FAM168A: variants seen among roughly 807,000 people sequenced by gnomAD.
FAM168A encodes family with sequence similarity 168 member A, also known as protein FAM168A.
In FAM168A, 3 loss-of-function variants were observed where a neutral mutation model predicts 28.5. That is an observed-to-expected ratio of 0.11 (90% CI 0.05 to 0.27). FAM168A has a LOEUF of 0.27. Among genes scored for constraint, FAM168A ranks in the 10% least tolerant of loss-of-function variants. The pLI is 1.00. For synonymous variants in FAM168A, 122 were observed against 124.2 expected (o/e 0.98, Z 0.12); for missense variants, 222 against 311.5 (o/e 0.71, Z 2.16).
intron 1 of FAM168A, among the ~76,000 whole-genome samples, chr11:73,503,242 T>C (rs540726853): frequency 3.9e-5 from 6 of 152,108 alleles, no homozygotes; most frequent in Non-Finnish European, 5.9e-5. Flanking sequence ...GATTTTATAT[T>C]TAGAAAACCC....
At chr11:73,580,610 T>C in intron 1 of FAM168A, 1 of 480,628 alleles carries the variant, frequency 2.1e-6, no homozygotes, top group Non-Finnish European at 3.9e-6. Flanking sequence ...AAATGCAGAA[T>C]TTTGTTTTAC....
chr11:73,535,722 CTTTT>C (rs59312114), intron 1 of FAM168A, among the ~76,000 whole-genome samples: 2 of 116,968 alleles, frequency 1.7e-5, no homozygotes, highest in Admixed American at 8.7e-5. Context: ...CCTCACCCTT[CTTTT>C]TTTTTTTTTT....
At chr11:73,581,868 G>A (rs1323539628) in intron 1 of FAM168A, among the ~76,000 whole-genome samples, 2 of 151,994 alleles carry the variant, frequency 1.3e-5, no homozygotes, top group Non-Finnish European at 1.5e-5. Flanking sequence ...ACAGGCATGC[G>A]CCACCATGCC....
At chr11:73,464,864 C>CT (rs111906921) in intron 2 of FAM168A, among the ~76,000 whole-genome samples, 27,152 of 148,426 alleles carry the variant, frequency 0.18, 3,657 homozygotes, top group African/African-American at 0.39. Context: ...CCTGTTTTAT[C>CT]ATTTTTTTTT....
At chr11:73,543,463 G>A (rs761019281) in intron 1 of FAM168A, among the ~76,000 whole-genome samples, 2 of 152,008 alleles carry the variant, frequency 1.3e-5, no homozygotes, top group Non-Finnish European at 2.9e-5. Flanking sequence ...GTTTCGCCAT[G>A]TTGGCCAGGC....
At chr11:73,597,026 G>A (rs1944446010) in intron 1 of FAM168A, among the ~76,000 whole-genome samples, 1 of 152,000 alleles carries the variant, frequency 6.6e-6, no homozygotes, top group African/African-American at 2.4e-5. Flanking sequence ...CCTTGACTCT[G>A]CAACCAAGGA....
intron 1 of FAM168A, among the ~76,000 whole-genome samples, chr11:73,538,351 AAAG>A (rs1943609086): frequency 6.6e-6 from 1 of 152,154 alleles, no homozygotes; most frequent in African/African-American, 2.4e-5. Flanking sequence ...CAAAAAAAAA[AAAG>A]AGAGAGAGAG....
At chr11:73,545,936 C>T (rs996702043) in intron 1 of FAM168A, among the ~76,000 whole-genome samples, 2 of 152,100 alleles carry the variant, frequency 1.3e-5, no homozygotes, top group African/African-American at 4.8e-5. Flanking sequence ...AGACAAAACA[C>T]CTACATCTCA....
chr11:73,456,912 T>C (rs1867543297), intron 2 of FAM168A, among the ~76,000 whole-genome samples: 1 of 152,140 alleles, frequency 6.6e-6, no homozygotes, highest in East Asian at 1.9e-4. Context: ...CCTCCAAATA[T>C]GGGGGTTATG....
At chr11:73,480,384 TTCTC>T (rs57949673) in intron 1 of FAM168A, among the ~76,000 whole-genome samples, 37,626 of 151,156 alleles carry the variant, frequency 0.25, 5,004 homozygotes, top group South Asian at 0.35. Context: ...AATAGAAAAT[TTCTC>T]TCTCTCTCTT....
At chr11:73,585,738 C>A (rs1565309235) in intron 1 of FAM168A, among the ~76,000 whole-genome samples, 1 of 151,816 alleles carries the variant, frequency 6.6e-6, no homozygotes, top group Admixed American at 6.6e-5. Flanking sequence ...CATGGTGGCA[C>A]GCGCCCGTAA....
At chr11:73,462,523 G>A (rs570398870) in intron 2 of FAM168A, among the ~76,000 whole-genome samples, 1 of 152,306 alleles carries the variant, frequency 6.6e-6, no homozygotes, top group South Asian at 2.1e-4. Context: ...TGAATCAATA[G>A]TGACGACAGT....
chr11:73,510,096 C>T (rs1855191025), intron 1 of FAM168A, among the ~76,000 whole-genome samples: 1 of 152,144 alleles, frequency 6.6e-6, no homozygotes, highest in East Asian at 1.9e-4. Flanking sequence ...AAAATCATAC[C>T]AATCCACTCA....
chr11:73,555,236 C>T (rs1255846582), intron 1 of FAM168A, among the ~76,000 whole-genome samples: 1 of 152,076 alleles, frequency 6.6e-6, no homozygotes, highest in East Asian at 1.9e-4. Flanking sequence ...CTCAGAGGAC[C>T]TGAATATCTG....
chr11:73,525,772 G>C (rs7933355), intron 1 of FAM168A, among the ~76,000 whole-genome samples: 16,463 of 152,108 alleles, frequency 0.11, 1,006 homozygotes, highest in African/African-American at 0.16. Context: ...CCAAAATCTT[G>C]TTCCCTCTCA....
chr11:73,494,237 T>C (rs2134612344), intron 1 of FAM168A, among the ~76,000 whole-genome samples: 1 of 152,206 alleles, frequency 6.6e-6, no homozygotes, highest in East Asian at 1.9e-4. Flanking sequence ...ATTTTGCAAC[T>C]GGGAAAACAA....
chr11:73,578,718 A>G (rs535776731), intron 1 of FAM168A, among the ~76,000 whole-genome samples: 26 of 152,254 alleles, frequency 1.7e-4, no homozygotes, highest in Non-Finnish European at 3.1e-4. Flanking sequence ...ATACGTTTCC[A>G]TACAAATGAA....
At position 73,409,617 on chromosome 11, in the gene FAM168A, G is replaced by A. The variant is rs780308609; in HGVS notation, c.465C>T (p.Val155=). ...TQPVYAAQPH[V]IHHTTVVQPN... is the part of the protein sequence containing the mutation. ...GCTGGACGACCGTGGTATGGTGGAT[G>A]ACATGAGGCTGGGCAGCATACACCG... The change falls in exon 6 of 8, where the codon GTC becomes GTT. Residue 155 remains valine, a synonymous_variant. Transcript: ENST00000356467. 2.5e-6 allele frequency: 4 copies of A among 1,613,556 alleles called. No homozygotes were observed. The highest frequency in any genetic ancestry group is 1.7e-4 in the Middle Eastern group (1 of 6,060).
Position 73,498,587 on chromosome 11 carries a change from T to C in FAM168A, c.-18-30095A>G, listed in dbSNP as rs922591910. On this transcript the variant is annotated intron_variant, in intron 1 of 7. Transcript: ENST00000356467. ...CCTTGGGGAGGGGCAGCAACCAGCATTGGAACTCGCAACTGCCTGACATGC... is the reference window on the plus strand; with the variant it reads ...CCTTGGGGAGGGGCAGCAACCAGCACTGGAACTCGCAACTGCCTGACATGC... Among the ~76,000 whole-genome samples the C allele has an allele frequency of 6.6e-5, 10 of 152,130 alleles. No individual in the cohort carries two copies. The South Asian group carries it at 1.0e-3, about 16-fold the overall frequency.
Sources: allele counts gnomAD v4.1 joint callset (sites outside exome capture counted in the v4.1 genomes callset), GRCh38; gene constraint gnomAD v4.1.1; transcripts MANE v1.5; gene names NCBI Gene and HGNC (gene_info 2026-07-23, HGNC 2026-07-21).